Variants in TNRC6B observed in about 807,000 individuals in gnomAD.
TNRC6B encodes trinucleotide repeat-containing gene 6B protein.
TNRC6B carries 52 observed loss-of-function variants against 203.6 expected under a neutral mutation model. That is an observed-to-expected ratio of 0.26 (90% confidence interval 0.20 to 0.32). The LOEUF (loss-of-function observed/expected upper bound fraction) is 0.32, where lower values mean the gene tolerates loss of function less well. Among genes scored for constraint, TNRC6B ranks in the 10% least tolerant of loss-of-function variants. The pLI is 1.00. For missense variants in TNRC6B, 1,923 were observed against 2,286.2 expected (o/e 0.84, Z 3.24); for synonymous variants, 838 against 845.7 (o/e 0.99, Z 0.16).
intron 1 of TNRC6B, among the ~76,000 whole-genome samples, chr22:40,213,525 A>G (rs1393843150): frequency 1.3e-5 from 2 of 152,182 alleles, no homozygotes; most frequent in Non-Finnish European, 2.9e-5. Context: ...AAGCAAGCAA[A>G]TGACAAGTTT....
At chr22:40,232,230 G>T (rs111913399) in intron 1 of TNRC6B, among the ~76,000 whole-genome samples, 1 of 152,174 alleles carries the variant, frequency 6.6e-6, no homozygotes, top group African/African-American at 2.4e-5. Flanking sequence ...CATATCATAC[G>T]GGACAAGTAA....
intron 1 of TNRC6B, among the ~76,000 whole-genome samples, chr22:40,081,013 C>T (rs1199354253): frequency 6.6e-6 from 1 of 152,088 alleles, no homozygotes; most frequent in African/African-American, 2.4e-5. Flanking sequence ...TGTGTCACCA[C>T]ACTGGCTAAT....
At chr22:40,284,609 A>C (rs1313468554) in intron 11 of TNRC6B, among the ~76,000 whole-genome samples, 1 of 152,236 alleles carries the variant, frequency 6.6e-6, no homozygotes, top group Non-Finnish European at 1.5e-5. Context: ...CGAAGAGGGA[A>C]AGATTTAACA....
At chr22:40,171,865 C>A (rs2069003224) in intron 4 of TNRC6B, among the ~76,000 whole-genome samples, 1 of 151,810 alleles carries the variant, frequency 6.6e-6, no homozygotes, top group Non-Finnish European at 1.5e-5. Context: ...GCTTTTCTTT[C>A]TCTTTTCTTT....
At chr22:40,065,929 C>T (rs1447307572) in intron 1 of TNRC6B, among the ~76,000 whole-genome samples, 1 of 152,086 alleles carries the variant, frequency 6.6e-6, no homozygotes, top group Non-Finnish European at 1.5e-5. Flanking sequence ...AGTTATTTCC[C>T]CAGCTTAGGG....
At position 40,194,122 on chromosome 22, in the gene TNRC6B, G is replaced by T. The variant is rs564807962; in HGVS notation, c.5+15982G>T. Among the ~76,000 whole-genome samples the T allele has an allele frequency of 2.6e-4, 40 of 152,312 alleles. No homozygotes were observed. In the South Asian group the frequency reaches 7.7e-3, roughly 29 times the overall value. ...TGAATATGCATGACAGTGCGTGTTAGGTTGAGAATAAAAGAACCAGGGGCA... is the reference window on the plus strand; with the variant it reads ...TGAATATGCATGACAGTGCGTGTTATGTTGAGAATAAAAGAACCAGGGGCA... On this transcript the variant is annotated intron_variant, in intron 1 of 22. Transcript: ENST00000454349.
intron 3 of TNRC6B, among the ~76,000 whole-genome samples, chr22:40,261,183 G>C (rs943669651): frequency 6.6e-6 from 1 of 152,126 alleles, no homozygotes; most frequent in African/African-American, 2.4e-5. Flanking sequence ...CTACTCAAGA[G>C]GCTGAGGTGG....
chr22:40,257,622 A>G (rs2070300392), intron 3 of TNRC6B, among the ~76,000 whole-genome samples: 1 of 152,186 alleles, frequency 6.6e-6, no homozygotes, highest in African/African-American at 2.4e-5. Context: ...AGACTGAGGC[A>G]GGAGAATCGC....
chr22:40,157,433 A>G (rs2068827464), intron 4 of TNRC6B, among the ~76,000 whole-genome samples: 1 of 152,192 alleles, frequency 6.6e-6, no homozygotes, highest in South Asian at 2.1e-4. Flanking sequence ...TAAATTATGC[A>G]GAATGGACTA....
intron 3 of TNRC6B, among the ~76,000 whole-genome samples, chr22:40,155,266 T>C (rs1479207081): frequency 6.6e-6 from 1 of 152,098 alleles, no homozygotes; most frequent in Non-Finnish European, 1.5e-5. Flanking sequence ...TCTTCAAATG[T>C]AATAGATAAT....
At chr22:40,321,053 C>T in intron 21 of TNRC6B, 37 bp from the exon 22 acceptor site, 2 of 1,609,770 alleles carry the variant, frequency 1.2e-6, no homozygotes, top group Non-Finnish European at 1.7e-6. Flanking sequence ...TCCACCCCAC[C>T]TCCAGTCTTT....
At position 40,330,545 on chromosome 22, in the gene TNRC6B, T is replaced by C. The variant is rs1285848543; in HGVS notation, c.*7304T>C. 1 of 152,620 alleles carries C rather than the reference T, an allele frequency of 6.6e-6. No individual in the cohort carries two copies. The highest frequency in any genetic ancestry group is 1.5e-5 in the Non-Finnish European group (1 of 68,020). The allele number at this position is 152,620 out of a possible 1,614,324, so 9.5% of individuals were successfully genotyped here. Reference sequence around the variant, plus strand: ...CAAAATAAAAACCTTTGGAACCCTTTAAGAAGTTACATACCTTTTAAAGGT... The same window carrying C: ...CAAAATAAAAACCTTTGGAACCCTTCAAGAAGTTACATACCTTTTAAAGGT... On this transcript the variant is annotated 3_prime_UTR_variant, in exon 23 of 23. Coordinates refer to ENST00000454349, the MANE Select transcript of TNRC6B (RefSeq NM_001162501.2).
chr22:40,264,682 C>G lies in TNRC6B; in HGVS notation c.458-6C>G, dbSNP rs2070446395. On this transcript the variant is annotated splice_polypyrimidine_tract_variant and splice_region_variant and intron_variant, in intron 4 of 22. Coordinates refer to ENST00000454349, the MANE Select transcript of TNRC6B (RefSeq NM_001162501.2). ...GCTGTGATTAATAAGATGATCTGTT[C>G]CCCAGACTCAACCCTTGGAGGTGCT... The G allele has an allele frequency of 6.4e-7, 1 of 1,571,754 alleles. No individual in the cohort carries two copies. Among genetic ancestry groups the G allele is most frequent in the Non-Finnish European group, 8.6e-7 (1 of 1,159,602 alleles).
intron 7 of TNRC6B, among the ~76,000 whole-genome samples, chr22:40,274,515 G>T (rs1191447016): frequency 6.6e-6 from 1 of 151,400 alleles, no homozygotes; most frequent in African/African-American, 2.4e-5. Flanking sequence ...CTGCCTCCCA[G>T]GTTCACACCA....
intron 1 of TNRC6B, among the ~76,000 whole-genome samples, chr22:40,185,537 C>T (rs1224687162): frequency 1.3e-5 from 2 of 152,128 alleles, no homozygotes; most frequent in Admixed American, 6.5e-5. Context: ...GAGTGGAACC[C>T]TACAGATTGG....
At chr22:40,284,673 GT>G in intron 11 of TNRC6B, among the ~76,000 whole-genome samples, 1 of 152,186 alleles carries the variant, frequency 6.6e-6, no homozygotes, top group East Asian at 1.9e-4. Context: ...GTTTTAAAGC[GT>G]TTTGAGATTG....
At chr22:40,219,373 C>T (rs1389397792) in intron 1 of TNRC6B, among the ~76,000 whole-genome samples, 1 of 152,102 alleles carries the variant, frequency 6.6e-6, no homozygotes, top group Non-Finnish European at 1.5e-5. Flanking sequence ...GTGGGAATGA[C>T]CTAAGCAAAG....
Position 40,261,916 on chromosome 22 carries a change from G to A in TNRC6B, c.200G>A (p.Gly67Asp), listed in dbSNP as rs1569042739. Residue 67 changes from glycine to aspartate, a missense_variant, in exon 4 of 23, where the codon GGC (glycine) becomes GAC (aspartate). Coordinates refer to ENST00000454349, the MANE Select transcript of TNRC6B (RefSeq NM_001162501.2). Reference sequence around the variant, plus strand: ...TCTCCATCGCCACCAGTCAATGGTGGCAACAATGCCAAAAGGGTGGCAGTG... The same window carrying A: ...TCTCCATCGCCACCAGTCAATGGTGACAACAATGCCAAAAGGGTGGCAGTG... Reference protein sequence around the residue: ...GSSPSPPVNGGNNAKRVAVPN... With the variant: ...GSSPSPPVNGDNNAKRVAVPN... The A allele has an allele frequency of 1.9e-6, 3 of 1,610,476 alleles. No homozygotes were observed. Among genetic ancestry groups the A allele is most frequent in the Non-Finnish European group, 2.5e-6 (3 of 1,177,380 alleles).
At chr22:40,309,473 G>C (rs1324804782) in intron 16 of TNRC6B, among the ~76,000 whole-genome samples, 1 of 152,210 alleles carries the variant, frequency 6.6e-6, no homozygotes, top group East Asian at 1.9e-4. Context: ...AAATGCCCAC[G>C]TGGAGCTCTC....
Sources: gnomAD v4.1 joint callset for allele counts (sites outside exome capture counted in the v4.1 genomes callset) on GRCh38, gnomAD v4.1.1 for gene constraint, MANE v1.5 for transcripts, NCBI Gene and HGNC (gene_info 2026-07-23, HGNC 2026-07-21) for gene names.